Variants in NOX3 observed in about 807,000 individuals in gnomAD.
The protein encoded by NOX3 is NADPH oxidase 3.
A neutral mutation model predicts 76.7 loss-of-function variants in NOX3; 74 were observed. The observed-to-expected ratio is 0.96, with a 90% CI of 0.80 to 1.17. The LOEUF is 1.17. Among genes scored for constraint, NOX3 ranks in the 50% most tolerant of loss-of-function variants. The pLI, the probability that NOX3 is intolerant of heterozygous loss-of-function variation, is 0.00. For synonymous variants in NOX3, 263 were observed against 261.1 expected, an observed-to-expected ratio of 1.01 and a Z score of -0.07; for missense variants, 695 against 703.3, an observed-to-expected ratio of 0.99 and a Z score of 0.13.
intron 7 of NOX3, among the ~76,000 whole-genome samples, chr6:155,435,091 A>G (rs890962126): frequency 1.3e-5 from 2 of 152,184 alleles, no homozygotes; most frequent in East Asian, 1.9e-4. Context: ...CGGTAATTGC[A>G]TAGCCCACAC....
intron 10 of NOX3, among the ~76,000 whole-genome samples, chr6:155,413,548 G>A (rs1354398178): frequency 6.6e-6 from 1 of 152,122 alleles, no homozygotes; most frequent in East Asian, 1.9e-4. Context: ...CCAGTTAGGG[G>A]TGGATTTTAT....
intron 4 of NOX3, among the ~76,000 whole-genome samples, chr6:155,444,182 C>T (rs561944179): frequency 6.6e-4 from 101 of 152,294 alleles, no homozygotes; most frequent in African/African-American, 2.2e-3. Context: ...TAAAGTTTCA[C>T]TTTCTCCAGT....
chr6:155,408,969 A>G (rs948720490), intron 11 of NOX3, among the ~76,000 whole-genome samples: 1 of 152,086 alleles, frequency 6.6e-6, no homozygotes, highest in Non-Finnish European at 1.5e-5. Context: ...GAGGGTGAGA[A>G]GGGAGTGAGG....
At chr6:155,427,108 C>T (rs1412445712) in intron 9 of NOX3, among the ~76,000 whole-genome samples, 2 of 151,154 alleles carry the variant, frequency 1.3e-5, no homozygotes, top group South Asian at 2.1e-4. Context: ...GCTCTGCACT[C>T]TGAACCTTAA....
intron 10 of NOX3, among the ~76,000 whole-genome samples, chr6:155,418,856 T>C (rs187200770): frequency 2.3e-4 from 35 of 152,340 alleles, no homozygotes; most frequent in Non-Finnish European, 2.4e-4. Flanking sequence ...GTTTTGTGTG[T>C]AAAAATGTAT....
chr6:155,437,796 C>T (rs1042630469), intron 6 of NOX3, among the ~76,000 whole-genome samples: 1 of 152,210 alleles, frequency 6.6e-6, no homozygotes, highest in Non-Finnish European at 1.5e-5. Flanking sequence ...ATGTCTTCAT[C>T]TATGCCATCC....
intron 11 of NOX3, among the ~76,000 whole-genome samples, chr6:155,409,646 GGTAT>G (rs1448223698): frequency 1.3e-5 from 2 of 151,958 alleles, no homozygotes; most frequent in African/African-American, 2.4e-5. Flanking sequence ...TTAACAATTG[GGTAT>G]TTCTAAAACA....
At chr6:155,411,477 A>T in intron 10 of NOX3, 117 bp from the exon 11 acceptor site, 1 of 928,378 alleles carries the variant, frequency 1.1e-6, no homozygotes, top group Admixed American at 3.1e-5. Context: ...CTGCAAAATA[A>T]CATGCTTTTT....
At chr6:155,400,724 T>C (rs1779211620) in intron 12 of NOX3, among the ~76,000 whole-genome samples, 1 of 152,014 alleles carries the variant, frequency 6.6e-6, no homozygotes, top group African/African-American at 2.4e-5. Flanking sequence ...ATTACTCAGT[T>C]GCTCATGAGT....
chr6:155,450,234 C>T (rs561883833), intron 4 of NOX3, among the ~76,000 whole-genome samples: 1 of 152,290 alleles, frequency 6.6e-6, no homozygotes, highest in East Asian at 1.9e-4. Context: ...ACTTGATTGT[C>T]TCCAGGGATG....
At chr6:155,430,413 C>G (rs1431058483) in intron 8 of NOX3, among the ~76,000 whole-genome samples, 3 of 152,044 alleles carry the variant, frequency 2.0e-5, no homozygotes, top group Non-Finnish European at 4.4e-5. Context: ...GTGACTGTTT[C>G]CCTTTCCTCT....
intron 12 of NOX3, among the ~76,000 whole-genome samples, chr6:155,406,062 T>A (rs1776453248): frequency 6.6e-6 from 1 of 152,228 alleles, no homozygotes. Flanking sequence ...CATGCTCCAG[T>A]TGCCCACATG....
At chr6:155,411,386 G>A (rs370905216) in intron 10 of NOX3, 26 bp from the exon 11 acceptor site, 4 of 1,597,764 alleles carry the variant, frequency 2.5e-6, no homozygotes, top group East Asian at 2.2e-5. Flanking sequence ...GCAAGTGAAC[G>A]GATCTATTCT....
At chr6:155,419,689 A>G (rs1434839970) in intron 10 of NOX3, among the ~76,000 whole-genome samples, 1 of 152,180 alleles carries the variant, frequency 6.6e-6, no homozygotes, top group Non-Finnish European at 1.5e-5. Context: ...TGCAGTGCTG[A>G]AAGCCTTGAG....
In NOX3 at chr6:155,436,407, T is replaced by A. The variant is rs1268847369; in HGVS notation, c.798+11A>T. ...ACATTTATTTTTAAAAGCTCCTGGG[T>A]TCATTCTTACCGAGGGTTCCTTGCC... On this transcript the variant is annotated intron_variant, in intron 7 of 13. Transcript: ENST00000159060. The A allele has an allele frequency of 5.6e-6, 9 of 1,613,878 alleles. No individual in the cohort carries two copies. The highest frequency in any genetic ancestry group is 7.6e-6 in the Non-Finnish European group (9 of 1,179,916).
At chr6:155,407,510 G>C (rs1004626205) in intron 11 of NOX3, among the ~76,000 whole-genome samples, 1 of 152,166 alleles carries the variant, frequency 6.6e-6, no homozygotes, top group Non-Finnish European at 1.5e-5. Context: ...CATTAACCTA[G>C]AAAGAATATT....
chr6:155,432,694 T>C (rs1053133719), intron 7 of NOX3, among the ~76,000 whole-genome samples: 1 of 152,314 alleles, frequency 6.6e-6, no homozygotes, highest in African/African-American at 2.4e-5. Context: ...TCATAAAAGC[T>C]AGACCTATGG....
At chr6:155,434,968 A>C (rs1776882583) in intron 7 of NOX3, among the ~76,000 whole-genome samples, 1 of 152,222 alleles carries the variant, frequency 6.6e-6, no homozygotes, top group Non-Finnish European at 1.5e-5. Flanking sequence ...AGCTTTGTAG[A>C]GACCGAGTAG....
chr6:155,404,289 C>T (rs1779276234), intron 12 of NOX3, among the ~76,000 whole-genome samples: 1 of 151,994 alleles, frequency 6.6e-6, no homozygotes, highest in Admixed American at 6.5e-5. Flanking sequence ...GGTGTGGTGA[C>T]TTAGACTCAG....
Sources: gnomAD v4.1 joint callset for allele counts (sites outside exome capture counted in the v4.1 genomes callset) on GRCh38, gnomAD v4.1.1 for gene constraint, MANE v1.5 for transcripts, NCBI Gene and HGNC (gene_info 2026-07-23, HGNC 2026-07-21) for gene names.